Variants in SEMA3A observed in about 807,000 individuals in gnomAD.
SEMA3A encodes semaphorin 3A.
SEMA3A carries 29 observed loss-of-function variants against 97.9 expected under a neutral mutation model. The observed-to-expected ratio is 0.30, with a 90% CI of 0.22 to 0.40. SEMA3A has a LOEUF of 0.40. SEMA3A is among the 10% of genes least tolerant of loss of function. The pLI is 1.00. For synonymous variants in SEMA3A, 321 were observed against 323.7 expected, an observed-to-expected ratio of 0.99 and a Z score of 0.09; for missense variants, 763 against 951.3, an observed-to-expected ratio of 0.80 and a Z score of 2.60.
intron 15 of SEMA3A, among the ~76,000 whole-genome samples, chr7:83,970,658 A>G (rs571377755): frequency 1.3e-5 from 2 of 152,348 alleles, no homozygotes; most frequent in East Asian, 3.9e-4. Flanking sequence ...ATGTAAAACT[A>G]AAACATAATT....
intron 3 of SEMA3A, among the ~76,000 whole-genome samples, chr7:84,266,313 C>CAAAAAAAAAAAAAAAAAAAAAAAAA (rs57809084): frequency 1.4e-5 from 1 of 70,482 alleles, no homozygotes; most frequent in Non-Finnish European, 2.5e-5. Flanking sequence ...GATTTGGTCT[C>CAAAAAAAAAAAAAAAAAAAAAAAAA]AAAAAAAAAA....
chr7:84,058,739 T>C (rs1249625816), intron 5 of SEMA3A, among the ~76,000 whole-genome samples: 7 of 152,188 alleles, frequency 4.6e-5, no homozygotes, highest in Non-Finnish European at 8.8e-5. Flanking sequence ...CTGAAAGTTC[T>C]TTTTCTGAAA....
chr7:84,481,932 T>C (rs1213649443), intron 1 of SEMA3A, among the ~76,000 whole-genome samples: 1 of 151,766 alleles, frequency 6.6e-6, no homozygotes, highest in Non-Finnish European at 1.5e-5. Context: ...TGATTGACTG[T>C]AAGTCACTAA....
chr7:84,094,066 T>C (rs748209841), intron 4 of SEMA3A, among the ~76,000 whole-genome samples: 10 of 152,078 alleles, frequency 6.6e-5, no homozygotes, highest in Non-Finnish European at 1.3e-4. Context: ...TTTTTGAAGT[T>C]TGTTCTGGCT....
chr7:84,268,149 A>G (rs1800051106), intron 3 of SEMA3A, among the ~76,000 whole-genome samples: 1 of 152,038 alleles, frequency 6.6e-6, no homozygotes, highest in Admixed American at 6.6e-5. Flanking sequence ...TCATTAAACA[A>G]TGGATATGGT....
intron 2 of SEMA3A, among the ~76,000 whole-genome samples, chr7:84,355,877 T>C (rs1802548242): frequency 6.6e-6 from 1 of 151,916 alleles, no homozygotes; most frequent in Admixed American, 6.6e-5. Flanking sequence ...CACATATTCC[T>C]TGGCCAATAA....
At chr7:84,063,763 A>G (rs1257711019) in intron 4 of SEMA3A, among the ~76,000 whole-genome samples, 4 of 149,672 alleles carry the variant, frequency 2.7e-5, no homozygotes, top group Non-Finnish European at 5.9e-5. Context: ...GAAATATGGG[A>G]CTATGTGAAA....
At chr7:84,352,426 C>T (rs1480260645) in intron 2 of SEMA3A, among the ~76,000 whole-genome samples, 2 of 151,872 alleles carry the variant, frequency 1.3e-5, no homozygotes, top group East Asian at 3.9e-4. Flanking sequence ...TGCTTGAGGT[C>T]ATAGATACCC....
intron 4 of SEMA3A, among the ~76,000 whole-genome samples, chr7:84,104,904 T>C (rs1440472336): frequency 1.3e-5 from 2 of 152,180 alleles, no homozygotes; most frequent in African/African-American, 4.8e-5. Context: ...CTTGTACAAG[T>C]CTATCTTCCA....
intron 5 of SEMA3A, among the ~76,000 whole-genome samples, chr7:84,049,097 G>C (rs1218028525): frequency 6.6e-6 from 1 of 152,096 alleles, no homozygotes; most frequent in Non-Finnish European, 1.5e-5. Flanking sequence ...TTCAGTAAAA[G>C]AGCTACTCCA....
chr7:84,229,764 A>C (rs1799074738), intron 3 of SEMA3A, among the ~76,000 whole-genome samples: 1 of 151,958 alleles, frequency 6.6e-6, no homozygotes, highest in Non-Finnish European at 1.5e-5. Flanking sequence ...TATCTCTGGT[A>C]TACTTCCCCA....
At position 83,981,350 on chromosome 7, in the gene SEMA3A, T is replaced by C. The variant is rs369709964; in HGVS notation, c.1623A>G (p.Ala541=). 1.7e-5 allele frequency: 28 copies of C among 1,614,076 alleles called. No homozygotes were observed. Among genetic ancestry groups the C allele is most frequent in the Admixed American group, 5.0e-5 (3 of 60,014 alleles). ...TTGCAGTGGGAAAATAGCGAGAACA[T>C]GCAGAACCATCCCAAGCACAGTAAG... ...RDPYCAWDGS[A]CSRYFPTAKR... is the part of the protein sequence containing the mutation. Residue 541 remains alanine (A), a synonymous_variant, in exon 14 of 17, where the codon GCA becomes GCG. Coordinates refer to ENST00000265362, the MANE Select transcript of SEMA3A (RefSeq NM_006080.3).
chr7:84,282,883 G>A (rs1419789267), intron 3 of SEMA3A, among the ~76,000 whole-genome samples: 14 of 151,920 alleles, frequency 9.2e-5, no homozygotes, highest in East Asian at 1.9e-4. Context: ...GTGTGTTGGC[G>A]GGCACCTGTA....
chr7:84,243,559 A>T (rs1476978074), intron 3 of SEMA3A, among the ~76,000 whole-genome samples: 1 of 151,896 alleles, frequency 6.6e-6, no homozygotes, highest in African/African-American at 2.4e-5. Flanking sequence ...TAGTTTGCCT[A>T]GTGGTCTGTC....
intron 4 of SEMA3A, among the ~76,000 whole-genome samples, chr7:84,066,087 T>G (rs1793478118): frequency 6.6e-6 from 1 of 151,658 alleles, no homozygotes; most frequent in East Asian, 1.9e-4. Flanking sequence ...CAAGTGGGCT[T>G]CATCCCTGGG....
rs13362836 is a variant in SEMA3A, at chr7:84,389,997, T to C, written c.-245-18097A>G. Among the ~76,000 whole-genome samples, 140 of 152,290 alleles carry C rather than the reference T, an allele frequency of 9.2e-4. 1 individual carries two copies. Among genetic ancestry groups the C allele is most frequent in the African/African-American group, 3.2e-3 (133 of 41,572 alleles). ...TTGGACATTGCCTATGCAAGCTTAG[T>C]TGAAAAGAAAGCTATCTAATTTCTT... On this transcript the variant is annotated intron_variant, in intron 1 of 3. Transcript: ENST00000424555.
At chr7:84,339,929 G>A (rs1802122659) in intron 2 of SEMA3A, among the ~76,000 whole-genome samples, 1 of 151,560 alleles carries the variant, frequency 6.6e-6, no homozygotes, top group African/African-American at 2.4e-5. Flanking sequence ...CATTAATTTG[G>A]GGAAAAATTA....
rs75757633 is a variant in SEMA3A, at chr7:84,303,747, T to C, written c.-83+3460A>G. On this transcript the variant is annotated intron_variant, in intron 3 of 3. Coordinates refer to the SEMA3A transcript ENST00000424555. ...AATAAATTACATGAGATATTCAACATTGTATTATAAAATAGCTTTGTGTTA... is the reference window on the plus strand; with the variant it reads ...AATAAATTACATGAGATATTCAACACTGTATTATAAAATAGCTTTGTGTTA... Among the ~76,000 whole-genome samples, 1,912 of 152,260 alleles carry C rather than the reference T, an allele frequency of 0.013. 63 individuals carry two copies. In the East Asian group the frequency reaches 0.14, roughly 12 times the overall value.
chr7:84,447,767 C>T (rs1011074732), intron 1 of SEMA3A, among the ~76,000 whole-genome samples: 1 of 152,210 alleles, frequency 6.6e-6, no homozygotes, highest in Non-Finnish European at 1.5e-5. Flanking sequence ...TTTGAAACGG[C>T]TCCCCCAACG....
Sources: gnomAD v4.1 joint callset for allele counts (sites outside exome capture counted in the v4.1 genomes callset) on GRCh38, gnomAD v4.1.1 for gene constraint, MANE v1.5 for transcripts, NCBI Gene and HGNC (gene_info 2026-07-23, HGNC 2026-07-21) for gene names.